Variants in KLHL3 observed in about 807,000 individuals in gnomAD.
The protein encoded by KLHL3 is kelch-like protein 3.
KLHL3 carries 19 observed loss-of-function variants against 70.5 expected under a neutral mutation model. That is an observed-to-expected ratio of 0.27 (90% CI 0.19 to 0.40). The LOEUF (loss-of-function observed/expected upper bound fraction) is 0.40. Among genes scored for constraint, KLHL3 ranks in the 10% least tolerant of loss-of-function variants. KLHL3 has a pLI of 1.00. For missense variants in KLHL3, 512 were observed against 771.1 expected (o/e 0.66, Z 3.98); for synonymous variants, 258 against 290.3 (o/e 0.89, Z 1.13).
intron 8 of KLHL3, among the ~76,000 whole-genome samples, chr5:137,652,033 C>A: frequency 6.6e-6 from 1 of 151,434 alleles, no homozygotes; most frequent in East Asian, 2.0e-4. Flanking sequence ...CCTCATGCAC[C>A]ATATTAAGAA....
In KLHL3 at chr5:137,692,344, C is replaced by T. The variant is rs182805654; in HGVS notation, c.467G>A (p.Arg156His). Residue 156 changes from arginine to histidine, a missense_variant, in exon 5 of 15, where the codon CGT becomes CAT. Transcript: ENST00000309755. ...QLHPTNCLGI[R>H]AFADVHTCTD... ...GCAGGTGTGTACATCTGCAAATGCA[C>T]GGATGCCCAGGCAATTGGTGGGATG... 2.0e-5 allele frequency: 33 copies of T among 1,613,764 alleles called. No individual in the cohort carries two copies. The highest frequency in any genetic ancestry group is 5.3e-5 in the African/African-American group (4 of 75,046).
intron 11 of KLHL3, among the ~76,000 whole-genome samples, chr5:137,637,010 C>T (rs1324688659): frequency 6.6e-6 from 1 of 152,212 alleles, no homozygotes; most frequent in Admixed American, 6.5e-5. Context: ...CAACTTCTAG[C>T]AGAGCTATTG....
intron 8 of KLHL3, among the ~76,000 whole-genome samples, chr5:137,651,509 A>G (rs1368564742): frequency 6.6e-6 from 1 of 152,384 alleles, no homozygotes; most frequent in East Asian, 1.9e-4. Context: ...TAGATCTAAC[A>G]AAAGACATGT....
intron 6 of KLHL3, among the ~76,000 whole-genome samples, chr5:137,668,857 A>AGAT (rs1392922043): frequency 6.6e-6 from 1 of 152,256 alleles, no homozygotes; most frequent in Non-Finnish European, 1.5e-5. Flanking sequence ...ATGAATCAAC[A>AGAT]GATGAATCAG....
At chr5:137,714,509 G>C (rs1191011313) in intron 2 of KLHL3, among the ~76,000 whole-genome samples, 1 of 152,156 alleles carries the variant, frequency 6.6e-6, no homozygotes, top group African/African-American at 2.4e-5. Context: ...AACCTTAAAT[G>C]CATTATGCTA....
chr5:137,648,612 T>C (rs903938597), intron 8 of KLHL3, among the ~76,000 whole-genome samples: 42 of 152,206 alleles, frequency 2.8e-4, no homozygotes, highest in African/African-American at 9.9e-4. Context: ...GGAGCCAAGA[T>C]GATGCTGTTA....
chr5:137,728,529 C>A (rs1478221256), intron 1 of KLHL3, among the ~76,000 whole-genome samples: 2 of 152,070 alleles, frequency 1.3e-5, no homozygotes, highest in Non-Finnish European at 2.9e-5. Flanking sequence ...ATTGATGACA[C>A]AGAATCAGGA....
chr5:137,720,780 A>T, intron 1 of KLHL3, 196 bp from the exon 2 acceptor site: 1 of 1,412,354 alleles, frequency 7.1e-7, no homozygotes, highest in Non-Finnish European at 9.2e-7. Context: ...CTCTGAAGGA[A>T]GGCAGGTCAT....
At chr5:137,645,479 T>C (rs1302883711) in intron 8 of KLHL3, among the ~76,000 whole-genome samples, 1 of 151,842 alleles carries the variant, frequency 6.6e-6, no homozygotes, top group Non-Finnish European at 1.5e-5. Flanking sequence ...AAAATCAACA[T>C]ACAAAACTTA....
chr5:137,627,040 A>C (rs1340603964), intron 13 of KLHL3, among the ~76,000 whole-genome samples: 1 of 152,166 alleles, frequency 6.6e-6, no homozygotes, highest in Non-Finnish European at 1.5e-5. Flanking sequence ...CTAAAGAAAT[A>C]ATTTTAAATG....
chr5:137,733,542 G>A (rs1561623919), intron 1 of KLHL3, among the ~76,000 whole-genome samples: 2 of 152,166 alleles, frequency 1.3e-5, no homozygotes, highest in African/African-American at 4.8e-5. Context: ...TGAAAGATCT[G>A]GTGGGCCTAT....
chr5:137,707,831 C>T (rs996197126), intron 3 of KLHL3, among the ~76,000 whole-genome samples: 2 of 152,188 alleles, frequency 1.3e-5, no homozygotes, highest in Admixed American at 6.5e-5. Context: ...ATGACACTTC[C>T]GCTACTTCAG....
chr5:137,735,699 A>G lies in KLHL3; in HGVS notation c.-53T>C. 1 of 1,613,888 alleles carries G rather than the reference A, an allele frequency of 6.2e-7. No homozygotes were observed. The highest frequency in any genetic ancestry group is 8.5e-7 in the Non-Finnish European group (1 of 1,179,772). On this transcript the variant is annotated 5_prime_UTR_variant, in exon 1 of 15. Transcript: ENST00000309755. ...TGCTGAACTGTGTATGCACTCGGGG[A>G]TCCTAGTTCTGTTCTTGATTCTCCC...
At position 137,661,972 on chromosome 5, in the gene KLHL3, C is replaced by T; in HGVS notation, c.696G>A (p.Met232Ile). 6.2e-7 allele frequency: 1 copy of T among 1,613,622 alleles called. No individual in the cohort carries two copies. Among genetic ancestry groups the T allele is most frequent in the Non-Finnish European group, 8.5e-7 (1 of 1,179,646 alleles). ...NYEKETRLEH[M>I]AKLMEHVRLP... Reference sequence around the variant, plus strand: ...GTCGGACATGTTCCATCAGCTTTGCCATGTGCTCTAAACGGGTTTCTTTCT... The same window carrying T: ...GTCGGACATGTTCCATCAGCTTTGCTATGTGCTCTAAACGGGTTTCTTTCT... The change falls in exon 7 of 15, where the codon ATG (methionine) becomes ATA (isoleucine). Residue 232 changes from methionine (M) to isoleucine (I), a missense_variant. Physicochemically the swap from Met to Ile is conservative, Grantham distance 10. Coordinates refer to ENST00000309755, the MANE Select transcript of KLHL3 (RefSeq NM_017415.3).
intron 2 of KLHL3, among the ~76,000 whole-genome samples, chr5:137,711,121 T>C (rs919405361): frequency 1.3e-5 from 2 of 152,192 alleles, no homozygotes; most frequent in Non-Finnish European, 2.9e-5. Flanking sequence ...CTAGATTCTG[T>C]GTGAGAATGT....
At chr5:137,722,679 C>T (rs960273390) in intron 1 of KLHL3, among the ~76,000 whole-genome samples, 1 of 152,008 alleles carries the variant, frequency 6.6e-6, no homozygotes, top group Non-Finnish European at 1.5e-5. Context: ...TCATCTGATA[C>T]TTATTTTTTC....
At chr5:137,678,109 GA>G (rs989807683) in intron 5 of KLHL3, among the ~76,000 whole-genome samples, 8 of 152,128 alleles carry the variant, frequency 5.3e-5, no homozygotes, top group African/African-American at 1.9e-4. Context: ...GTTCTTATAG[GA>G]AGTCAACATT....
At chr5:137,628,491 T>C in intron 12 of KLHL3, 54 bp from the exon 13 acceptor site, 1 of 1,603,868 alleles carries the variant, frequency 6.2e-7, no homozygotes, top group Non-Finnish European at 8.5e-7. Context: ...TAACCAGAAA[T>C]CAGGAGGCCT....
chr5:137,622,250 T>A, intron 14 of KLHL3, 124 bp from the exon 15 acceptor site: 1 of 1,178,622 alleles, frequency 8.5e-7, no homozygotes, highest in Non-Finnish European at 1.2e-6. Flanking sequence ...ATTTTTATCC[T>A]AATATTGAAG....
Sources: allele counts gnomAD v4.1 joint callset (sites outside exome capture counted in the v4.1 genomes callset), GRCh38; gene constraint gnomAD v4.1.1; transcripts MANE v1.5; gene names NCBI Gene and HGNC (gene_info 2026-07-23, HGNC 2026-07-21).